SUZ12: variants seen among roughly 807,000 people sequenced by gnomAD.
The protein encoded by SUZ12 is SUZ12 polycomb repressive complex 2 subunit.
Under a neutral mutation model 87.3 loss-of-function variants are expected in SUZ12, and 17 were observed. That is an observed-to-expected ratio of 0.19 (90% confidence interval 0.13 to 0.29). SUZ12 has a LOEUF of 0.29. SUZ12 is among the 10% of genes least tolerant of loss of function. SUZ12 has a pLI of 1.00. For synonymous variants in SUZ12, 253 were observed against 312.4 expected (o/e 0.81, Z 2.01); for missense variants, 526 against 912.2 (o/e 0.58, Z 5.45).
chr17:31,972,217 A>G (rs958388074), intron 5 of SUZ12, among the ~76,000 whole-genome samples: 4 of 152,012 alleles, frequency 2.6e-5, no homozygotes, highest in Non-Finnish European at 5.9e-5. Context: ...CCCGGGAGGC[A>G]GAAGTTGCAG....
At chr17:31,995,469 G>A (rs1909927214) in intron 13 of SUZ12, 95 bp from the exon 14 acceptor site, 1 of 912,864 alleles carries the variant, frequency 1.1e-6, no homozygotes, top group Non-Finnish European at 1.7e-6. Context: ...ATAAAAGGGT[G>A]ATGTTGCAGA....
chr17:31,972,452 G>C (rs1181259194), intron 5 of SUZ12, among the ~76,000 whole-genome samples: 1 of 149,924 alleles, frequency 6.7e-6, no homozygotes, highest in African/African-American at 2.5e-5. Flanking sequence ...TCACTCCTTC[G>C]CCCAGACTAG....
intron 4 of SUZ12, among the ~76,000 whole-genome samples, chr17:31,948,632 A>G (rs1230383378): frequency 6.6e-6 from 1 of 152,046 alleles, no homozygotes; most frequent in East Asian, 1.9e-4. Flanking sequence ...GCTTCCTTCT[A>G]TTTTAAGTTT....
intron 4 of SUZ12, among the ~76,000 whole-genome samples, chr17:31,964,843 T>C (rs1277572088): frequency 6.6e-6 from 1 of 152,000 alleles, no homozygotes. Flanking sequence ...CCAGTCGGGC[T>C]CGGTGGCTCA....
At chr17:31,990,121 ATTTTT>A (rs59793925) in intron 10 of SUZ12, among the ~76,000 whole-genome samples, 6 of 99,840 alleles carry the variant, frequency 6.0e-5, no homozygotes, top group Admixed American at 1.1e-4. Flanking sequence ...TGCCCGGCTA[ATTTTT>A]TTTTTTTTTT....
chr17:31,992,027 CAT>C (rs1261025645), intron 10 of SUZ12, among the ~76,000 whole-genome samples: 2 of 151,922 alleles, frequency 1.3e-5, no homozygotes, highest in East Asian at 3.9e-4. Flanking sequence ...CACGGTGACT[CAT>C]ATCTGTAATC....
Position 31,994,677 on chromosome 17 carries a change from C to T in SUZ12, c.1551C>T (p.Asn517=), listed in dbSNP as rs143863610. Residue 517 remains asparagine (N), a synonymous_variant, in exon 13 of 16, where the codon AAC becomes AAT. Coordinates refer to ENST00000322652, the MANE Select transcript of SUZ12 (RefSeq NM_015355.4). The part of the protein sequence containing the change: ...HRQPGFAFSR[N]GPVKRTPITH... ...AACCTGGATTTGCTTTTAGTCGCAA[C>T]GGACCAGTTAAGAGAACACCTATCA... 7.4e-6 allele frequency: 12 copies of T among 1,613,762 alleles called. No individual in the cohort carries two copies. Among genetic ancestry groups the T allele is most frequent in the East Asian group, 6.7e-5 (3 of 44,868 alleles).
intron 4 of SUZ12, among the ~76,000 whole-genome samples, chr17:31,958,670 A>AC (rs1420424372): frequency 1.3e-5 from 2 of 152,080 alleles, no homozygotes; most frequent in Admixed American, 6.6e-5. Context: ...ACATGGTGAA[A>AC]CCCCATCTCT....
Position 31,999,014 on chromosome 17 carries a change from C to G in SUZ12, c.*11C>G. The G allele has an allele frequency of 6.6e-7, 1 of 1,518,002 alleles. No individual in the cohort carries two copies. The highest frequency in any genetic ancestry group is 8.8e-7 in the Non-Finnish European group (1 of 1,138,270). 94.0% of individuals were successfully genotyped at this position (1,518,002 alleles called of 1,614,324 possible). On this transcript the variant is annotated 3_prime_UTR_variant, in exon 16 of 16. Coordinates refer to ENST00000322652, the MANE Select transcript of SUZ12 (RefSeq NM_015355.4). ...AAACAAAAACTCTGAAAAGCTCTAA[C>G]CCCATGTTATGGACAAACACTGAAA...
At chr17:31,956,778 G>GTATA (rs200229557) in intron 4 of SUZ12, among the ~76,000 whole-genome samples, 1 of 150,872 alleles carries the variant, frequency 6.6e-6, no homozygotes, top group African/African-American at 2.4e-5. Flanking sequence ...ATGTATATAT[G>GTATA]TATATATATA....
At chr17:31,987,141 G>A (rs1295606488) in intron 9 of SUZ12, among the ~76,000 whole-genome samples, 1 of 152,102 alleles carries the variant, frequency 6.6e-6, no homozygotes, top group South Asian at 2.1e-4. Flanking sequence ...CATGAGAAAC[G>A]AAAGGATAGG....
intron 8 of SUZ12, among the ~76,000 whole-genome samples, chr17:31,978,961 C>T (rs923753308): frequency 2.6e-5 from 4 of 151,914 alleles, no homozygotes; most frequent in Admixed American, 2.0e-4. Flanking sequence ...CAAAAATTAG[C>T]TGGGCCTGGT....
chr17:31,959,209 A>G (rs996126725), intron 4 of SUZ12, among the ~76,000 whole-genome samples: 1 of 152,108 alleles, frequency 6.6e-6, no homozygotes, highest in African/African-American at 2.4e-5. Flanking sequence ...GAACCTGGCT[A>G]TACATTTCTT....
rs1181314058 is a variant in SUZ12, at chr17:31,957,895, C to CTTTTTTTTTTTTTTTTTTT, written c.456-8245_456-8227dup. 1.3e-4 allele frequency among the ~76,000 whole-genome samples: 12 copies of CTTTTTTTTTTTTTTTTTTT among 91,330 alleles called. 2 individuals are homozygous for CTTTTTTTTTTTTTTTTTTT. Among genetic ancestry groups the CTTTTTTTTTTTTTTTTTTT allele is most frequent in the Non-Finnish European group, 2.2e-4 (10 of 44,584 alleles). The allele number at this position is 91,330 out of a possible 152,430, so 59.9% of individuals were successfully genotyped here. A position where few individuals can be genotyped will look rare whatever the true frequency, so the allele number is the denominator to read the frequency against. On this transcript the variant is annotated intron_variant, in intron 4 of 15. Coordinates refer to ENST00000322652, the MANE Select transcript of SUZ12 (RefSeq NM_015355.4). ...ACCTGGCCCTGGCTCACCTTTTGTC[C>CTTTTTTTTTTTTTTTTTTT]TTTTTTTTTTTTTTTTTTTTTTTTT...
chr17:31,959,526 A>G (rs1011063304), intron 4 of SUZ12, among the ~76,000 whole-genome samples: 10 of 152,210 alleles, frequency 6.6e-5, no homozygotes, highest in African/African-American at 2.4e-4. Flanking sequence ...AGCTTTACAT[A>G]TCATAGGATG....
At chr17:31,951,402 A>G (rs1021895908) in intron 4 of SUZ12, among the ~76,000 whole-genome samples, 3 of 152,224 alleles carry the variant, frequency 2.0e-5, no homozygotes, top group Non-Finnish European at 4.4e-5. Context: ...TTAGACCTAC[A>G]GTTGTCTTAA....
intron 3 of SUZ12, among the ~76,000 whole-genome samples, chr17:31,944,258 A>G (rs1906480816): frequency 6.6e-6 from 1 of 150,934 alleles, no homozygotes. Context: ...CCTCCCGAGT[A>G]GCTGGGATTA....
chr17:31,990,801 G>A (rs1170676140), intron 10 of SUZ12, among the ~76,000 whole-genome samples: 2 of 151,982 alleles, frequency 1.3e-5, no homozygotes, highest in Non-Finnish European at 2.9e-5. Context: ...TGGCTGGAGT[G>A]CAGTGGTGCC....
chr17:31,976,199 G>A (rs1316809434), intron 7 of SUZ12, among the ~76,000 whole-genome samples: 3 of 152,142 alleles, frequency 2.0e-5, no homozygotes, highest in Non-Finnish European at 2.9e-5. Context: ...AGAGAAACAC[G>A]TTGGAAAAAA....
Sources: allele counts gnomAD v4.1 joint callset (sites outside exome capture counted in the v4.1 genomes callset), GRCh38; gene constraint gnomAD v4.1.1; transcripts MANE v1.5; gene names NCBI Gene and HGNC (gene_info 2026-07-23, HGNC 2026-07-21).